The following NCOA3 variants were observed in gnomAD, a reference collection of about 807,000 sequenced individuals.
NCOA3 encodes the protein nuclear receptor coactivator 3, also known as CBP-interacting protein.
Under a neutral mutation model 158.8 loss-of-function variants are expected in NCOA3, and 51 were observed. That is an observed-to-expected ratio of 0.32 (90% CI 0.26 to 0.41). NCOA3 has a LOEUF of 0.41. Ranked by LOEUF, NCOA3 falls within the 10% of genes least tolerant of loss-of-function variation. The pLI, the probability that NCOA3 is intolerant of heterozygous loss-of-function variation, is 1.00. For synonymous variants in NCOA3, 537 were observed against 592.4 expected (o/e 0.91, Z 1.36); for missense variants, 1,510 against 1,746.6 (o/e 0.86, Z 2.41).
chr20:47,612,419 A>C (rs1313117903), intron 2 of NCOA3, among the ~76,000 whole-genome samples: 1 of 152,206 alleles, frequency 6.6e-6, no homozygotes, highest in African/African-American at 2.4e-5. Flanking sequence ...ACTTTTGTCT[A>C]ATTGGGAGAG....
chr20:47,640,356 GA>G (rs1435545344), intron 16 of NCOA3, among the ~76,000 whole-genome samples: 1 of 152,012 alleles, frequency 6.6e-6, no homozygotes, highest in African/African-American at 2.4e-5. Context: ...ATGAGGAGGG[GA>G]AAAAAGATAA....
chr20:47,648,317 C>A (rs368285389), intron 18 of NCOA3, among the ~76,000 whole-genome samples: 2 of 152,114 alleles, frequency 1.3e-5, no homozygotes, highest in African/African-American at 4.8e-5. Flanking sequence ...TACTTTCTGC[C>A]GTTTCTTCAC....
At chr20:47,502,532 A>C (rs2083952718) in intron 1 of NCOA3, among the ~76,000 whole-genome samples, 1 of 151,766 alleles carries the variant, frequency 6.6e-6, no homozygotes. Flanking sequence ...TCACTTGGGC[A>C]TTTAAAAAAT....
At chr20:47,599,998 A>G (rs772040212) in intron 2 of NCOA3, among the ~76,000 whole-genome samples, 1 of 152,032 alleles carries the variant, frequency 6.6e-6, no homozygotes, top group African/African-American at 2.4e-5. Context: ...AAAAATTCAT[A>G]ATCCTGGTGG....
chr20:47,556,293 G>A (rs538328479), intron 1 of NCOA3, among the ~76,000 whole-genome samples: 13 of 152,314 alleles, frequency 8.5e-5, no homozygotes, highest in Admixed American at 6.5e-4. Flanking sequence ...GGAACAAGAA[G>A]GGGAAGAGTT....
intron 1 of NCOA3, among the ~76,000 whole-genome samples, chr20:47,537,482 C>T (rs899366752): frequency 2.0e-5 from 3 of 151,836 alleles, no homozygotes; most frequent in Admixed American, 6.6e-5. Context: ...AGCCATTGCA[C>T]CTGTTCTATT....
chr20:47,647,203 T>C lies in NCOA3; in HGVS notation c.3383T>C (p.Leu1128Pro), dbSNP rs771760358. Residue 1128 changes from leucine (L) to proline (P), a missense_variant, in exon 18 of 23, where the codon CTT becomes CCT. This residue lies in a region of NCOA3 where 1,017 missense variants were observed against 1,098.3 expected (regional missense o/e 0.93). Coordinates refer to ENST00000371998, the MANE Select transcript of NCOA3 (RefSeq NM_181659.3). ...CCTCCAATGCAAGGAGGCTTTCATC[T>C]TCAGGGACAATCACCATCTTTTAAC... Reference protein sequence around the residue: ...QGPPMQGGFHLQGQSPSFNSM... With the variant: ...QGPPMQGGFHPQGQSPSFNSM... The C allele has an allele frequency of 1.2e-6, 2 of 1,614,204 alleles. No individual in the cohort carries two copies. The highest frequency in any genetic ancestry group is 1.7e-6 in the Non-Finnish European group (2 of 1,180,034).
intron 1 of NCOA3, among the ~76,000 whole-genome samples, chr20:47,517,469 GAGA>G (rs1274009860): frequency 8.2e-5 from 3 of 36,656 alleles, no homozygotes; most frequent in East Asian, 7.0e-4. Flanking sequence ...TTTTTTTTTT[GAGA>G]AGGAGTCTTG....
intron 1 of NCOA3, among the ~76,000 whole-genome samples, chr20:47,579,662 C>G (rs953267940): frequency 2.0e-5 from 3 of 152,182 alleles, no homozygotes; most frequent in Non-Finnish European, 4.4e-5. Flanking sequence ...TTGCGAATCT[C>G]TCTGGTTTAA....
rs867417709 is a variant in NCOA3, at chr20:47,512,581, A to C, written c.-99+10562A>C. 2.0e-4 allele frequency among the ~76,000 whole-genome samples: 30 copies of C among 150,970 alleles called. 1 individual carries two copies. Among genetic ancestry groups the C allele is most frequent in the Middle Eastern group, 3.4e-3 (1 of 294 alleles). On this transcript the variant is annotated intron_variant, in intron 1 of 22. Transcript: ENST00000371998. ...GACTCTGTCTCACTAAAAAAAAAAA[A>C]AAAAAAAACACAAAAGATATATACA...
At chr20:47,641,910 A>C (rs366442) in intron 16 of NCOA3, among the ~76,000 whole-genome samples, 5 of 151,022 alleles carry the variant, frequency 3.3e-5, no homozygotes, top group African/African-American at 9.7e-5. Flanking sequence ...ATCCTTCCCT[A>C]CCCTCCCCCT....
intron 2 of NCOA3, among the ~76,000 whole-genome samples, chr20:47,597,410 A>G (rs776316297): frequency 1.4e-5 from 2 of 146,196 alleles, no homozygotes; most frequent in Non-Finnish European, 3.0e-5. Context: ...TCCCACTCCT[A>G]TGTTTGGTCT....
At chr20:47,552,930 A>T (rs1323275200) in intron 1 of NCOA3, among the ~76,000 whole-genome samples, 1 of 142,696 alleles carries the variant, frequency 7.0e-6, no homozygotes. Flanking sequence ...ACATGGTTAG[A>T]TTTTTTTTTT....
intron 17 of NCOA3, among the ~76,000 whole-genome samples, chr20:47,643,932 A>T (rs1389403332): frequency 6.6e-6 from 1 of 151,530 alleles, no homozygotes; most frequent in Non-Finnish European, 1.5e-5. Flanking sequence ...GGAATGATTT[A>T]GGAACTTTTT....
chr20:47,547,251 T>G (rs938962219), intron 1 of NCOA3, among the ~76,000 whole-genome samples: 1 of 152,120 alleles, frequency 6.6e-6, no homozygotes, highest in African/African-American at 2.4e-5. Context: ...CACTCTGTAT[T>G]TCCTTGAAAG....
chr20:47,548,976 G>GT (rs2084883984), intron 1 of NCOA3, among the ~76,000 whole-genome samples: 1 of 152,122 alleles, frequency 6.6e-6, no homozygotes, highest in East Asian at 1.9e-4. Context: ...TGTTAAATTA[G>GT]TGTTTTCTTG....
Position 47,635,529 on chromosome 20 carries a change from T to A in NCOA3, c.1320T>A (p.Ala440=). 6.2e-7 allele frequency: 1 copy of A among 1,614,080 alleles called. No individual in the cohort carries two copies. The highest frequency in any genetic ancestry group is 1.1e-5 in the South Asian group (1 of 91,082). Residue 440 remains alanine (A), a synonymous_variant, in exon 11 of 23, where the codon GCT becomes GCA. Transcript: ENST00000371998. Reference sequence around the variant, plus strand: ...GGTATGGGGGTTCCAGTAACATAGCTTCATTGACCCCTGGGCCAGGCATGC... The same window carrying A: ...GGTATGGGGGTTCCAGTAACATAGCATCATTGACCCCTGGGCCAGGCATGC... The part of the protein sequence containing the change: ...GARYGGSSNI[A]SLTPGPGMQS...
chr20:47,515,169 A>T (rs955144083), intron 1 of NCOA3, among the ~76,000 whole-genome samples: 21 of 150,408 alleles, frequency 1.4e-4, no homozygotes, highest in South Asian at 2.1e-4. Flanking sequence ...ATTTAAAAAA[A>T]ATTTTTTTTT....
At chr20:47,533,466 G>T (rs1203077094) in intron 1 of NCOA3, among the ~76,000 whole-genome samples, 3 of 152,032 alleles carry the variant, frequency 2.0e-5, no homozygotes, top group African/African-American at 7.2e-5. Flanking sequence ...ATTATTAATA[G>T]ATTTTGTATG....
Sources: gnomAD v4.1 joint callset for allele counts (sites outside exome capture counted in the v4.1 genomes callset) on GRCh38, gnomAD v4.1.1 for gene constraint, gnomAD v4.1.1 regional missense constraint, MANE v1.5 for transcripts, NCBI Gene and HGNC (gene_info 2026-07-23, HGNC 2026-07-21) for gene names.